Variants in SLC16A9 observed in about 807,000 individuals in gnomAD.
SLC16A9 encodes the protein solute carrier family 16 member 9.
A neutral mutation model predicts 44.3 loss-of-function variants in SLC16A9; 26 were observed. The ratio of observed to expected loss-of-function variants is 0.59; its 90% CI spans 0.43 to 0.81. SLC16A9 has a LOEUF of 0.81. Among genes scored for constraint, SLC16A9 ranks in the 40% least tolerant of loss-of-function variants. The pLI, the probability that SLC16A9 is intolerant of heterozygous loss-of-function variation, is 0.00. For synonymous variants in SLC16A9, 230 were observed against 225.1 expected, an observed-to-expected ratio of 1.02 and a Z score of -0.19; for missense variants, 559 against 595.8, an observed-to-expected ratio of 0.94 and a Z score of 0.64.
intron 2 of SLC16A9, among the ~76,000 whole-genome samples, chr10:59,683,195 C>T (rs753236724): frequency 6.6e-6 from 1 of 152,142 alleles, no homozygotes; most frequent in Non-Finnish European, 1.5e-5. Context: ...TCATAGCACA[C>T]AGGAAGAGAG....
intron 2 of SLC16A9, among the ~76,000 whole-genome samples, chr10:59,675,243 A>G (rs2132459911): frequency 6.6e-6 from 1 of 152,330 alleles, no homozygotes; most frequent in Admixed American, 6.5e-5. Flanking sequence ...GATTTGACCA[A>G]GAGTCCATAG....
At chr10:59,653,274 A>AG (rs1839254218) in intron 5 of SLC16A9, among the ~76,000 whole-genome samples, 1 of 151,434 alleles carries the variant, frequency 6.6e-6, no homozygotes, top group Non-Finnish European at 1.5e-5. Flanking sequence ...ACAACAAAAA[A>AG]CATTAGCCGG....
At chr10:59,692,059 G>C (rs891457394) in intron 1 of SLC16A9, among the ~76,000 whole-genome samples, 1 of 152,168 alleles carries the variant, frequency 6.6e-6, no homozygotes, top group Non-Finnish European at 1.5e-5. Flanking sequence ...AAGATTCATA[G>C]ATAGACTTTT....
At chr10:59,663,213 T>A (rs7093535) in intron 4 of SLC16A9, among the ~76,000 whole-genome samples, 43,412 of 151,792 alleles carry the variant, frequency 0.29, 7,207 homozygotes, top group Middle Eastern at 0.41. Flanking sequence ...TACAAAAAAT[T>A]AGCTGGGCTT....
In SLC16A9 at chr10:59,654,225, C is replaced by T. The variant is rs748281198; in HGVS notation, c.801G>A (p.Thr267=). Residue 267 remains threonine (T), a synonymous_variant, in exon 5 of 6, where the codon ACG becomes ACA. Transcript: ENST00000395348. The part of the protein sequence containing the change: ...PTVTHTKEPE[T]YKKKVAEQTY... ...TCTGTTCTGCAACTTTCTTTTTGTACGTTTCAGGCTCTTTTGTGTGTGTCA... is the reference window on the plus strand; with the variant it reads ...TCTGTTCTGCAACTTTCTTTTTGTATGTTTCAGGCTCTTTTGTGTGTGTCA... 8 of 1,613,988 alleles carry T rather than the reference C, an allele frequency of 5.0e-6. No homozygotes were observed. Among genetic ancestry groups the T allele is most frequent in the African/African-American group, 2.7e-5 (2 of 74,896 alleles).
chr10:59,652,624 T>A lies in SLC16A9; in HGVS notation c.*148A>T, dbSNP rs1839228634. On this transcript the variant is annotated 3_prime_UTR_variant, in exon 6 of 6. Transcript: ENST00000395348. ...TACACTACATAAAAAATAGGATATA[T>A]AAAAAAAAATAATTCATTCAGAGTC... The A allele has an allele frequency of 4.5e-6, 3 of 662,654 alleles. No individual in the cohort carries two copies. In the African/African-American group the frequency reaches 5.6e-5, roughly 12 times the overall value. The allele number at this position is 662,654 out of a possible 1,614,324, so 41.0% of individuals were successfully genotyped here.
intron 2 of SLC16A9, among the ~76,000 whole-genome samples, chr10:59,675,402 G>A (rs1464444696): frequency 1.3e-5 from 2 of 152,216 alleles, no homozygotes; most frequent in Non-Finnish European, 2.9e-5. Context: ...AGGCAGACAT[G>A]AGCAGGGCAG....
chr10:59,700,814 A>G (rs1042265753), intron 1 of SLC16A9, among the ~76,000 whole-genome samples: 5 of 152,158 alleles, frequency 3.3e-5, no homozygotes, highest in African/African-American at 9.7e-5. Flanking sequence ...GCATCCTCAC[A>G]GTTTGTCAGC....
chr10:59,669,240 C>A (rs1038053601), intron 3 of SLC16A9, among the ~76,000 whole-genome samples: 1 of 152,182 alleles, frequency 6.6e-6, no homozygotes, highest in Non-Finnish European at 1.5e-5. Flanking sequence ...GGCACATTCC[C>A]TGCACCACCA....
At chr10:59,679,368 T>C (rs1258710962) in intron 2 of SLC16A9, among the ~76,000 whole-genome samples, 1 of 152,174 alleles carries the variant, frequency 6.6e-6, no homozygotes, top group Non-Finnish European at 1.5e-5. Flanking sequence ...ATTAAGACAT[T>C]TGTTGCAAGG....
At chr10:59,686,680 T>A (rs1840140865) in intron 1 of SLC16A9, among the ~76,000 whole-genome samples, 1 of 152,224 alleles carries the variant, frequency 6.6e-6, no homozygotes, top group Admixed American at 6.5e-5. Context: ...TTTCAGATGA[T>A]TTTCTTGGGT....
chr10:59,662,700 A>G (rs1839511044), intron 4 of SLC16A9, among the ~76,000 whole-genome samples: 1 of 152,040 alleles, frequency 6.6e-6, no homozygotes, highest in Admixed American at 6.5e-5. Context: ...ACATATGAAA[A>G]AAAACTCATC....
At chr10:59,662,633 C>CAAAAAAAAAAAAAAAAAA (rs71006278) in intron 4 of SLC16A9, among the ~76,000 whole-genome samples, 44 of 43,608 alleles carry the variant, frequency 1.0e-3, no homozygotes, top group Non-Finnish European at 1.5e-3. Flanking sequence ...AACTCCATCT[C>CAAAAAAAAAAAAAAAAAA]AAAAAAAAAA....
At chr10:59,663,208 A>C (rs1839522637) in intron 4 of SLC16A9, among the ~76,000 whole-genome samples, 2 of 152,088 alleles carry the variant, frequency 1.3e-5, no homozygotes, top group Admixed American at 1.3e-4. Flanking sequence ...AAAAATACAA[A>C]AAATTAGCTG....
intron 1 of SLC16A9, among the ~76,000 whole-genome samples, chr10:59,696,918 G>A (rs1283467733): frequency 1.4e-4 from 8 of 55,870 alleles, no homozygotes; most frequent in African/African-American, 3.2e-4. Context: ...CAGCCACCCC[G>A]TCCGGGAGGG....
At chr10:59,671,779 C>T (rs1252455614) in intron 3 of SLC16A9, among the ~76,000 whole-genome samples, 1 of 152,118 alleles carries the variant, frequency 6.6e-6, no homozygotes, top group Non-Finnish European at 1.5e-5. Flanking sequence ...CTGAGCATCT[C>T]TAAGTATCAA....
chr10:59,656,082 G>A (rs1209623787), intron 4 of SLC16A9, among the ~76,000 whole-genome samples: 1 of 152,150 alleles, frequency 6.6e-6, no homozygotes, highest in Non-Finnish European at 1.5e-5. Flanking sequence ...TAATGTAATG[G>A]CAACTAAAAT....
intron 3 of SLC16A9, among the ~76,000 whole-genome samples, chr10:59,666,871 C>CAAAAAAA (rs34639816): frequency 8.7e-6 from 1 of 114,954 alleles, no homozygotes. Context: ...TATTTTCCAG[C>CAAAAAAA]AAAAAAAAAA....
intron 2 of SLC16A9, among the ~76,000 whole-genome samples, chr10:59,683,141 C>T (rs1175755885): frequency 6.6e-6 from 1 of 152,100 alleles, no homozygotes; most frequent in Admixed American, 6.6e-5. Context: ...TTATTTTCCC[C>T]ATAAGAATAG....
Sources: allele counts gnomAD v4.1 joint callset (sites outside exome capture counted in the v4.1 genomes callset), GRCh38; gene constraint gnomAD v4.1.1; transcripts MANE v1.5; gene names NCBI Gene and HGNC (gene_info 2026-07-23, HGNC 2026-07-21).